Variants in ANO3 observed in about 807,000 individuals in gnomAD.
ANO3 encodes the protein anoctamin-3.
In ANO3, 99 loss-of-function variants were observed where a neutral mutation model predicts 144.8. The ratio of observed to expected loss-of-function variants is 0.68; its 90% CI spans 0.58 to 0.81. ANO3 has a LOEUF of 0.81. ANO3 is among the 30% of genes least tolerant of loss of function. The probability of loss-of-function intolerance (pLI) is 0.00; values close to 1 mark genes in which losing one functional copy is unlikely to be tolerated. For synonymous variants in ANO3, 414 were observed against 392.6 expected (o/e 1.05, Z -0.64); for missense variants, 905 against 1,202.2 (o/e 0.75, Z 3.66).
At chr11:26,548,060 G>A (rs1049372077) in intron 12 of ANO3, among the ~76,000 whole-genome samples, 4 of 151,930 alleles carry the variant, frequency 2.6e-5, no homozygotes, top group Non-Finnish European at 5.9e-5. Flanking sequence ...TACCACATAA[G>A]TCCTGCTCTA....
At chr11:26,479,590 C>G (rs771277572) in intron 4 of ANO3, among the ~76,000 whole-genome samples, 1 of 152,088 alleles carries the variant, frequency 6.6e-6, no homozygotes, top group Non-Finnish European at 1.5e-5. Flanking sequence ...ACCACGAGAA[C>G]AGCATGGGGG....
chr11:26,236,679 A>T (rs11029411), intron 1 of ANO3, among the ~76,000 whole-genome samples: 2,429 of 151,866 alleles, frequency 0.016, 43 homozygotes, highest in East Asian at 0.11. Flanking sequence ...TTAGCCGGGC[A>T]TGGTGGCGGG....
chr11:26,619,665 C>T (rs950264879), intron 17 of ANO3, among the ~76,000 whole-genome samples: 1 of 152,032 alleles, frequency 6.6e-6, no homozygotes, highest in African/African-American at 2.4e-5. Context: ...TAGGGTTTCA[C>T]CATGTTGGCC....
chr11:26,441,112 T>G (rs924517750), intron 1 of ANO3, among the ~76,000 whole-genome samples: 3 of 103,906 alleles, frequency 2.9e-5, no homozygotes, highest in Non-Finnish European at 6.2e-5. Context: ...CCCAGTTTTT[T>G]TTTTTTTTTT....
chr11:26,651,680 A>G (rs1853537382), intron 24 of ANO3, among the ~76,000 whole-genome samples: 1 of 152,084 alleles, frequency 6.6e-6, no homozygotes, highest in Non-Finnish European at 1.5e-5. Context: ...TTAATTTCAA[A>G]TATCTTAAAA....
chr11:26,319,393 A>G (rs1412876167), intron 1 of ANO3, among the ~76,000 whole-genome samples: 2 of 152,032 alleles, frequency 1.3e-5, no homozygotes, highest in Non-Finnish European at 2.9e-5. Flanking sequence ...GTAACTTTCT[A>G]TATGTTTTCT....
intron 21 of ANO3, among the ~76,000 whole-genome samples, chr11:26,641,030 C>A (rs1266125263): frequency 6.6e-6 from 1 of 152,144 alleles, no homozygotes; most frequent in East Asian, 1.9e-4. Flanking sequence ...GTACTGTTCA[C>A]TGAGTCCTGT....
chr11:26,300,125 G>A (rs936401853), intron 1 of ANO3, among the ~76,000 whole-genome samples: 3 of 152,028 alleles, frequency 2.0e-5, no homozygotes, highest in Non-Finnish European at 2.9e-5. Flanking sequence ...CTGTATGCTG[G>A]CATGTTTTTT....
intron 1 of ANO3, among the ~76,000 whole-genome samples, chr11:26,272,670 G>C (rs1853467855): frequency 6.6e-6 from 1 of 152,160 alleles, no homozygotes; most frequent in Admixed American, 6.6e-5. Context: ...TGCCAACTAA[G>C]AGACAGCAGA....
intron 14 of ANO3, among the ~76,000 whole-genome samples, chr11:26,586,693 G>C (rs113512263): frequency 0.093 from 7,352 of 79,272 alleles, 247 homozygotes; most frequent in Non-Finnish European, 0.13. Context: ...TTAGTAGAGA[G>C]GAGGTTTCAC....
chr11:26,451,909 C>G (rs1013191233), intron 3 of ANO3, among the ~76,000 whole-genome samples: 1 of 152,170 alleles, frequency 6.6e-6, no homozygotes, highest in African/African-American at 2.4e-5. Flanking sequence ...AACAATCAGA[C>G]AGCAGCATTC....
Position 26,248,878 on chromosome 11 carries a change from A to T in ANO3, c.154+59548A>T, listed in dbSNP as rs558194832. On this transcript the variant is annotated intron_variant, in intron 1 of 27. Transcript: ENST00000672621. ...CCACCTGAGCTCTGCCTCCTGTCAG[A>T]TCACATTATATTCAAATAGGAATTC... 2.6e-5 allele frequency among the ~76,000 whole-genome samples: 4 copies of T among 152,292 alleles called. No individual in the cohort carries two copies. The East Asian group carries it at 7.7e-4, about 29-fold the overall frequency.
At chr11:26,565,468 G>C (rs773550427) in intron 14 of ANO3, 1 of 1,613,382 alleles carries the variant, frequency 6.2e-7, no homozygotes, top group Non-Finnish European at 8.5e-7. Context: ...ATGGGCAAAA[G>C]ATCTTCATCT....
At chr11:26,524,258 A>G (rs576764197) in intron 6 of ANO3, among the ~76,000 whole-genome samples, 1 of 152,334 alleles carries the variant, frequency 6.6e-6, no homozygotes, top group South Asian at 2.1e-4. Flanking sequence ...AAAATAGAGA[A>G]GTATTTAAAG....
At position 26,348,190 on chromosome 11, in the gene ANO3, T is replaced by G. The variant is rs181683022; in HGVS notation, c.46+15869T>G. On this transcript the variant is annotated intron_variant, in intron 1 of 26. Transcript: ENST00000256737. ...AGCATACATCTGAAATTATCACCAC[T>G]TAAATATATTATGCCTTAAATTCTT... is the stretch of plus-strand genomic sequence containing the variant. 8.4e-3 allele frequency among the ~76,000 whole-genome samples: 1,279 copies of G among 152,338 alleles called. 8 individuals are homozygous for G. The highest frequency in any genetic ancestry group is 0.014 in the Non-Finnish European group (929 of 68,028).
At chr11:26,569,529 T>C (rs1467910696) in intron 14 of ANO3, among the ~76,000 whole-genome samples, 2 of 151,990 alleles carry the variant, frequency 1.3e-5, no homozygotes, top group Admixed American at 1.3e-4. Flanking sequence ...AGTCATCCGT[T>C]ATTCAGAACC....
chr11:26,644,194 T>C (rs928959681), intron 23 of ANO3, among the ~76,000 whole-genome samples: 2 of 152,188 alleles, frequency 1.3e-5, no homozygotes, highest in African/African-American at 4.8e-5. Flanking sequence ...AAAGGAACAT[T>C]AATTTAGTTG....
chr11:26,432,196 A>C (rs761664400), intron 1 of ANO3, among the ~76,000 whole-genome samples: 48 of 152,064 alleles, frequency 3.2e-4, no homozygotes, highest in Non-Finnish European at 6.8e-4. Flanking sequence ...TGGTGGCCAC[A>C]TGTATATCTT....
chr11:26,194,110 T>C (rs1851530232), intron 1 of ANO3, among the ~76,000 whole-genome samples: 2 of 152,204 alleles, frequency 1.3e-5, no homozygotes, highest in East Asian at 1.9e-4. Flanking sequence ...ATGCTAACTA[T>C]TATTCAAAAT....
Sources: allele counts gnomAD v4.1 joint callset (sites outside exome capture counted in the v4.1 genomes callset), GRCh38; gene constraint gnomAD v4.1.1; transcripts MANE v1.5; gene names NCBI Gene and HGNC (gene_info 2026-07-23, HGNC 2026-07-21).